MCF2L: variants seen among roughly 807,000 people sequenced by gnomAD.
MCF2L encodes the protein MCF.2 cell line derived transforming sequence like, also known as guanine nucleotide exchange factor DBS.
A neutral mutation model predicts 153.4 loss-of-function variants in MCF2L; 97 were observed. That is an observed-to-expected ratio of 0.63 (90% CI 0.54 to 0.75). The LOEUF is 0.75. Among genes scored for constraint, MCF2L ranks in the 30% least tolerant of loss-of-function variants. MCF2L has a pLI of 0.00. For missense variants in MCF2L, 1,347 were observed against 1,495.2 expected, an observed-to-expected ratio of 0.90 and a Z score of 1.64; for synonymous variants, 659 against 632.2, an observed-to-expected ratio of 1.04 and a Z score of -0.64.
intron 2 of MCF2L, 108 bp from the exon 3 acceptor site, chr13:113,024,536 C>T: frequency 1.5e-6 from 1 of 668,654 alleles, no homozygotes; most frequent in South Asian, 1.9e-5. Context: ...AAGAACATGC[C>T]TCAGTTTTAA....
chr13:113,091,646 CCAA>C (rs1313445121), intron 26 of MCF2L, among the ~76,000 whole-genome samples: 83 of 152,196 alleles, frequency 5.5e-4, no homozygotes, highest in African/African-American at 1.2e-3. Context: ...TTTCCCGGGG[CCAA>C]TGAGGCCGAG....
Position 113,045,022 on chromosome 13 carries a change from G to A in MCF2L, c.279-249G>A. On this transcript the variant is annotated intron_variant, in intron 3 of 29. Transcript: ENST00000535094. This position sits in a 1 kb window ranked among gnomAD's most constrained non-coding sequence, Gnocchi z 4.2. ...GGTTCTGCCTCAATCTGTGACTCGAGGTGGTTGGTGTTAGGCTGAGAAATA... is the reference window on the plus strand; with the variant it reads ...GGTTCTGCCTCAATCTGTGACTCGAAGTGGTTGGTGTTAGGCTGAGAAATA... 1 of 1,259,604 alleles carries A rather than the reference G, an allele frequency of 7.9e-7. No homozygotes were observed. Among genetic ancestry groups the A allele is most frequent in the Admixed American group, 2.1e-5 (1 of 47,808 alleles). The allele number at this position is 1,259,604 out of a possible 1,614,324, so 78.0% of individuals were successfully genotyped here.
Position 113,022,994 on chromosome 13 carries a change from C to A in MCF2L, c.164-1650C>A, listed in dbSNP as rs553533094. Among the ~76,000 whole-genome samples the A allele has an allele frequency of 5.9e-5, 9 of 152,338 alleles. No homozygotes were observed. In the South Asian group the frequency reaches 1.9e-3, roughly 32 times the overall value. ...GACGGGGGCAGAGGTCAAGAGCCCT[C>A]GAGGGCTGGGAGAGTTCGGAGGATA... On this transcript the variant is annotated intron_variant, in intron 2 of 29. Transcript: ENST00000535094.
intron 1 of MCF2L, among the ~76,000 whole-genome samples, chr13:113,003,313 C>G (rs955851206): frequency 1.3e-5 from 2 of 151,452 alleles, no homozygotes; most frequent in African/African-American, 4.9e-5. Flanking sequence ...GGGCAGGTGG[C>G]CCCCTGGGTT....
chr13:113,089,133 C>T (rs1011188897), intron 25 of MCF2L, among the ~76,000 whole-genome samples: 1 of 151,718 alleles, frequency 6.6e-6, no homozygotes, highest in South Asian at 2.1e-4. Context: ...ATAAATAATC[C>T]GTAGAACAGT....
At chr13:112,905,341 G>A (rs572209129) in intron 2 of MCF2L, among the ~76,000 whole-genome samples, 1 of 152,220 alleles carries the variant, frequency 6.6e-6, no homozygotes, top group African/African-American at 2.4e-5. Context: ...ATGGAACAGG[G>A]GTGGGGGCTA....
intron 2 of MCF2L, among the ~76,000 whole-genome samples, chr13:112,931,046 G>A (rs1168263207): frequency 6.6e-6 from 1 of 152,224 alleles, no homozygotes; most frequent in Admixed American, 6.5e-5. Context: ...TTAGAGCCAG[G>A]ACGCGCCTCT....
At chr13:112,915,728 G>T (rs965991442) in intron 2 of MCF2L, among the ~76,000 whole-genome samples, 3 of 152,026 alleles carry the variant, frequency 2.0e-5, no homozygotes, top group Non-Finnish European at 4.4e-5. Context: ...CAATTTTTGT[G>T]CTTCCCATCT....
At position 113,075,208 on chromosome 13, in the gene MCF2L, C is replaced by T. The variant is rs550761066; in HGVS notation, c.1308+19C>T. On this transcript the variant is annotated intron_variant, in intron 11 of 29. Coordinates refer to ENST00000535094, the MANE Select transcript of MCF2L (RefSeq NM_001112732.3). ...GGAGACGGTAGGCCGAGCCGGACCC[C>T]ACCCCACTCCCCCCCAGCTGCGGAA... 1.5e-5 allele frequency: 24 copies of T among 1,569,512 alleles called. No individual in the cohort carries two copies. In the East Asian group the frequency reaches 5.3e-4, roughly 34 times the overall value.
chr13:112,963,491 C>T (rs1400045265), intron 2 of MCF2L, among the ~76,000 whole-genome samples: 1 of 152,132 alleles, frequency 6.6e-6, no homozygotes, highest in Non-Finnish European at 1.5e-5. Flanking sequence ...CCAGGTGGAA[C>T]CTCAGGTCTG....
chr13:112,898,647 C>T (rs988079518), intron 1 of MCF2L, among the ~76,000 whole-genome samples: 1 of 152,168 alleles, frequency 6.6e-6, no homozygotes, highest in African/African-American at 2.4e-5. Flanking sequence ...CTCCCCTCCT[C>T]CATTTGCTAT....
Position 113,078,363 on chromosome 13 carries a change from G to A in MCF2L, c.1661G>A (p.Gly554Asp). The A allele has an allele frequency of 6.2e-7, 1 of 1,613,016 alleles. No individual in the cohort carries two copies. Residue 554 changes from glycine to aspartate, a missense_variant and splice_region_variant, in exon 14 of 30, where the codon GGC (glycine) becomes GAC (aspartate). By Grantham distance (94) the Gly-to-Asp change is moderately conservative. Coordinates refer to ENST00000535094, the MANE Select transcript of MCF2L (RefSeq NM_001112732.3). The part of the protein sequence containing the change: ...ALAKSPCPSP[G>D]IRRGSENSSS... ...GCCCCGCTCCCCTTCTTCCCAACAG[G>A]CATTCGGCGAGGCTCTGAGAACTCC...
chr13:113,045,267 G>A lies in MCF2L; in HGVS notation c.279-4G>A. ...TTAACGGCGGCGTCTCTTCCTCACTGCAGCCTGCAGGACGCTGGCATCGGA... is the reference window on the plus strand; with the variant it reads ...TTAACGGCGGCGTCTCTTCCTCACTACAGCCTGCAGGACGCTGGCATCGGA... On this transcript the variant is annotated splice_region_variant and splice_polypyrimidine_tract_variant and intron_variant, in intron 3 of 29. Coordinates refer to ENST00000535094, the MANE Select transcript of MCF2L (RefSeq NM_001112732.3). The surrounding 1 kb of genome is among the most constrained non-coding windows in gnomAD (Gnocchi z 4.2). 2 of 1,613,058 alleles carry A rather than the reference G, an allele frequency of 1.2e-6. No individual in the cohort carries two copies. The highest frequency in any genetic ancestry group is 1.7e-6 in the Non-Finnish European group (2 of 1,179,322).
intron 2 of MCF2L, among the ~76,000 whole-genome samples, chr13:113,023,541 C>G (rs1198056283): frequency 6.6e-6 from 1 of 152,152 alleles, no homozygotes; most frequent in African/African-American, 2.4e-5. Context: ...CTGCAGTTGT[C>G]GGAGGCTGTG....
chr13:113,033,636 C>T (rs2993321), intron 3 of MCF2L, among the ~76,000 whole-genome samples: 2 of 151,996 alleles, frequency 1.3e-5, no homozygotes, highest in Admixed American at 1.3e-4. Context: ...GGTGATTTCC[C>T]CCCCCCACCC....
Position 112,960,495 on chromosome 13 carries a change from G to A in MCF2L, c.170-54268G>A, listed in dbSNP as rs960284672. On this transcript the variant is annotated intron_variant, in intron 2 of 29. Coordinates refer to the MCF2L transcript ENST00000375608. The surrounding 1 kb of genome is among the most constrained non-coding windows in gnomAD (Gnocchi z 4.2). Reference sequence around the variant, plus strand: ...TTTTGGTTGTTGCATTGAAATGTGGGTGTGATGGATGCTGGAGTTTCTCTC... The same window carrying A: ...TTTTGGTTGTTGCATTGAAATGTGGATGTGATGGATGCTGGAGTTTCTCTC... Among the ~76,000 whole-genome samples the A allele has an allele frequency of 2.6e-5, 4 of 152,230 alleles. No individual in the cohort carries two copies. The South Asian group carries it at 6.2e-4, about 24-fold the overall frequency.
intron 26 of MCF2L, chr13:113,091,019 G>T (rs2035155033): frequency 7.8e-7 from 1 of 1,280,212 alleles, no homozygotes; most frequent in African/African-American, 1.6e-5. Context: ...CACAACGTCG[G>T]TGTCCCCTTC....
At chr13:112,975,668 G>A (rs542448605) in intron 1 of MCF2L, among the ~76,000 whole-genome samples, 25 of 152,232 alleles carry the variant, frequency 1.6e-4, no homozygotes, top group South Asian at 4.1e-4. Context: ...AGCCGCTGCC[G>A]TGGTCATCCT....
At chr13:112,949,080 G>A (rs866663589) in intron 2 of MCF2L, among the ~76,000 whole-genome samples, 1 of 152,342 alleles carries the variant, frequency 6.6e-6, no homozygotes, top group Non-Finnish European at 1.5e-5. Flanking sequence ...TACAGACTCT[G>A]CAGATATCAA....
Sources: gnomAD v4.1 joint callset for allele counts (sites outside exome capture counted in the v4.1 genomes callset) on GRCh38, gnomAD v4.1.1 for gene constraint, Gnocchi (gnomAD v3.1) non-coding constraint, MANE v1.5 for transcripts, NCBI Gene and HGNC (gene_info 2026-07-23, HGNC 2026-07-21) for gene names.